EMILIN2: variants seen among roughly 807,000 people sequenced by gnomAD.
The protein encoded by EMILIN2 is elastin microfibril interfacer 2, also known as EMILIN-2.
In EMILIN2, 71 loss-of-function variants were observed where a neutral mutation model predicts 87.1. The ratio of observed to expected loss-of-function variants is 0.82; its 90% CI spans 0.67 to 0.99. The LOEUF is 0.99. EMILIN2 is among the 50% of genes least tolerant of loss of function. The pLI is 0.00. For missense variants in EMILIN2, 1,407 were observed against 1,371.8 expected (o/e 1.03, Z -0.40); for synonymous variants, 581 against 563.4 (o/e 1.03, Z -0.44).
chr18:2,852,481 T>C (rs879634307), intron 2 of EMILIN2, among the ~76,000 whole-genome samples: 3 of 152,206 alleles, frequency 2.0e-5, no homozygotes, highest in Non-Finnish European at 4.4e-5. Context: ...GCCCTAATGG[T>C]TGTGATACTA....
In EMILIN2 at chr18:2,890,910, C is replaced by T. The variant is rs1395702522; in HGVS notation, c.783C>T (p.Asp261=). ...VFNTKESGMK[D]IKSELAEVKD... ...ACACTAAGGAATCTGGCATGAAGGACATCAAGTCTGAATTGGCTGAAGTCA... is the reference window on the plus strand; with the variant it reads ...ACACTAAGGAATCTGGCATGAAGGATATCAAGTCTGAATTGGCTGAAGTCA... The change falls in exon 4 of 8, where the codon GAC becomes GAT. Residue 261 remains aspartate, a synonymous_variant. Transcript: ENST00000254528. The surrounding 1 kb of genome is among the most constrained non-coding windows in gnomAD (Gnocchi z 4.7). 3 of 1,613,882 alleles carry T rather than the reference C, an allele frequency of 1.9e-6. No homozygotes were observed. The Admixed American group carries it at 5.0e-5, about 27-fold the overall frequency.
At chr18:2,849,533 C>A (rs560836781) in intron 2 of EMILIN2, among the ~76,000 whole-genome samples, 1 of 152,230 alleles carries the variant, frequency 6.6e-6, no homozygotes, top group East Asian at 1.9e-4. Flanking sequence ...ACTTGGCTGT[C>A]AGTGGGGAGT....
chr18:2,895,034 C>T (rs1299689574), intron 4 of EMILIN2, among the ~76,000 whole-genome samples: 2 of 152,122 alleles, frequency 1.3e-5, no homozygotes, highest in Admixed American at 1.3e-4. Context: ...TTGTTTGTGG[C>T]ATAGCAGTTT....
chr18:2,891,962 A>G lies in EMILIN2; in HGVS notation c.1835A>G (p.Tyr612Cys). 1 of 1,614,204 alleles carries G rather than the reference A, an allele frequency of 6.2e-7. No homozygotes were observed. The highest frequency in any genetic ancestry group is 8.5e-7 in the Non-Finnish European group (1 of 1,180,044). Reference sequence around the variant, plus strand: ...CTTCAACAGGATTTTAGTTTTCTTTATTCTCAATTAAACCACACAGAAAAT... The same window carrying G: ...CTTCAACAGGATTTTAGTTTTCTTTGTTCTCAATTAAACCACACAGAAAAT... The part of the protein sequence containing the change: ...QKLQQDFSFL[Y>C]SQLNHTENDV... Residue 612 changes from tyrosine to cysteine, a missense_variant, in exon 4 of 8, where the codon TAT becomes TGT. Physicochemically the swap from Tyr to Cys is radical, Grantham distance 194. Transcript: ENST00000254528. The surrounding 1 kb of genome is among the most constrained non-coding windows in gnomAD (Gnocchi z 4.6).
At chr18:2,879,008 A>G (rs1173938463) in intron 2 of EMILIN2, among the ~76,000 whole-genome samples, 1 of 152,216 alleles carries the variant, frequency 6.6e-6, no homozygotes, top group Non-Finnish European at 1.5e-5. Flanking sequence ...ACACAAGGCA[A>G]GGAGCCTTGC....
At chr18:2,912,585 C>T (rs996376141) in intron 7 of EMILIN2, among the ~76,000 whole-genome samples, 3 of 152,180 alleles carry the variant, frequency 2.0e-5, no homozygotes, top group African/African-American at 7.2e-5. Context: ...CCACCCTGGG[C>T]CCAGAACGTG....
rs2076677547 is a variant in EMILIN2 at position 2,864,642 on chromosome 18, C to T, written c.257+16711C>T. ...TAACCTGACCTTTCTCTCTGGCTGC[C>T]CTTAACATTTTTTCCTTCATTTCAA... On this transcript the variant is annotated intron_variant, in intron 2 of 7. Transcript: ENST00000254528. 2.6e-5 allele frequency among the ~76,000 whole-genome samples: 4 copies of T among 152,188 alleles called. No homozygotes were observed. In the South Asian group the frequency reaches 8.3e-4, roughly 32 times the overall value.
intron 4 of EMILIN2, among the ~76,000 whole-genome samples, chr18:2,899,228 G>C (rs1357045267): frequency 6.6e-6 from 1 of 152,120 alleles, no homozygotes; most frequent in African/African-American, 2.4e-5. Flanking sequence ...GGCTACCCCA[G>C]AGGCAGAGGG....
chr18:2,877,432 G>A lies in EMILIN2; in HGVS notation c.258-7532G>A, dbSNP rs905726491. On this transcript the variant is annotated intron_variant, in intron 2 of 7. Transcript: ENST00000254528. ...AAAGCTTATTTTTTATTCATTGACT[G>A]ACAGTTTTTTTTTTTTTTTTTTACA... Among the ~76,000 whole-genome samples the A allele has an allele frequency of 6.7e-5, 7 of 104,752 alleles. No individual in the cohort carries two copies. In the Admixed American group the frequency reaches 7.1e-4, roughly 11 times the overall value. The allele number at this position is 104,752 out of a possible 152,430, so 68.7% of individuals were successfully genotyped here.
intron 5 of EMILIN2, among the ~76,000 whole-genome samples, chr18:2,907,578 C>T (rs948213486): frequency 6.6e-6 from 1 of 152,192 alleles, no homozygotes; most frequent in East Asian, 1.9e-4. Flanking sequence ...TGGAGAAAAG[C>T]CCAGTTCAGT....
In EMILIN2 at chr18:2,913,311, G is replaced by C. The variant is rs2076951422; in HGVS notation, c.3069G>C (p.Val1023=). ...AGGCGGGAGATGCAGTCAACGTCGT[G>C]GTGACTGGGGGCAAGCTGGCTCACA... ...HLKAGDAVNV[V]VTGGKLAHTD... is the part of the protein sequence containing the mutation. Residue 1023 remains valine (V), a synonymous_variant, in exon 8 of 8, where the codon GTG becomes GTC. Transcript: ENST00000254528. 2 of 1,613,098 alleles carry C rather than the reference G, an allele frequency of 1.2e-6. No individual in the cohort carries two copies. Among genetic ancestry groups the C allele is most frequent in the Non-Finnish European group, 1.7e-6 (2 of 1,179,438 alleles).
chr18:2,867,673 TCA>T (rs2076693677), intron 2 of EMILIN2, among the ~76,000 whole-genome samples: 1 of 152,206 alleles, frequency 6.6e-6, no homozygotes. Context: ...GGGGGTAAGG[TCA>T]CAGATCAACA....
At position 2,848,799 on chromosome 18, in the gene EMILIN2, T is replaced by C. The variant is rs2076589468; in HGVS notation, c.257+868T>C. Reference sequence around the variant, plus strand: ...TCCACTAAGAATAAGTTGTTTGTCTTAGAGCACAGTTGTCATTACAGCAGA... The same window carrying C: ...TCCACTAAGAATAAGTTGTTTGTCTCAGAGCACAGTTGTCATTACAGCAGA... On this transcript the variant is annotated intron_variant, in intron 2 of 7. Transcript: ENST00000254528. The surrounding 1 kb of genome is among the most constrained non-coding windows in gnomAD (Gnocchi z 4.1). Among the ~76,000 whole-genome samples, 1 of 152,172 alleles carries C rather than the reference T, an allele frequency of 6.6e-6. No individual in the cohort carries two copies. The highest frequency in any genetic ancestry group is 2.4e-5 in the African/African-American group (1 of 41,438).
chr18:2,848,610 A>G lies in EMILIN2; in HGVS notation c.257+679A>G, dbSNP rs892625047. On this transcript the variant is annotated intron_variant, in intron 2 of 7. Coordinates refer to ENST00000254528, the MANE Select transcript of EMILIN2 (RefSeq NM_032048.3). This position sits in a 1 kb window ranked among gnomAD's most constrained non-coding sequence, Gnocchi z 4.1. Reference sequence around the variant, plus strand: ...CCCCATCTTAAAAAAAAAAAAAAACAGGAAGCAATGCAATAAAGTACAAAT... The same window carrying G: ...CCCCATCTTAAAAAAAAAAAAAAACGGGAAGCAATGCAATAAAGTACAAAT... Among the ~76,000 whole-genome samples the G allele has an allele frequency of 1.3e-5, 2 of 148,872 alleles. No homozygotes were observed. Among genetic ancestry groups the G allele is most frequent in the African/African-American group, 5.0e-5 (2 of 39,728 alleles).
Position 2,913,585 on chromosome 18 carries a change from T to A in EMILIN2, c.*181T>A. ...CTGCATCCAGCCAGGCTGCAGGGAG[T>A]GAGGCACACGGTGAACATGGCCACT... is the stretch of plus-strand genomic sequence containing the variant. On this transcript the variant is annotated 3_prime_UTR_variant, in exon 8 of 8. Transcript: ENST00000254528. 2 of 574,858 alleles carry A rather than the reference T, an allele frequency of 3.5e-6. No individual in the cohort carries two copies. Among genetic ancestry groups the A allele is most frequent in the South Asian group, 2.3e-5 (1 of 44,098 alleles). The allele number at this position is 574,858 out of a possible 1,614,324, so 35.6% of individuals were successfully genotyped here. A position where few individuals can be genotyped will look rare whatever the true frequency, so the allele number is the denominator to read the frequency against.
chr18:2,870,974 T>A (rs1466766975), intron 2 of EMILIN2, among the ~76,000 whole-genome samples: 1 of 152,102 alleles, frequency 6.6e-6, no homozygotes, highest in African/African-American at 2.4e-5. Context: ...GTTAACTAAA[T>A]TTTCCCTGGT....
intron 2 of EMILIN2, among the ~76,000 whole-genome samples, chr18:2,859,529 C>G (rs1333310046): frequency 6.6e-6 from 1 of 152,100 alleles, no homozygotes; most frequent in South Asian, 2.1e-4. Flanking sequence ...TGTCTGTTTA[C>G]CCTGCTGACT....
In EMILIN2 at chr18:2,892,031, G is replaced by A; in HGVS notation, c.1904G>A (p.Gly635Asp). The A allele has an allele frequency of 6.2e-7, 1 of 1,614,216 alleles. No individual in the cohort carries two copies. The highest frequency in any genetic ancestry group is 8.5e-7 in the Non-Finnish European group (1 of 1,180,046). ...AAGGAAATGAGCAATTGTAGAGCAG[G>A]TGAAAACGCTGGCATGGGTAGGTTC... ...LQKEMSNCRAGENAGMGRFTK... is the reference protein window; with the variant it reads ...LQKEMSNCRADENAGMGRFTK... The change falls in exon 4 of 8, where the codon GGT (glycine) becomes GAT (aspartate). Residue 635 changes from glycine to aspartate, a missense_variant. Transcript: ENST00000254528.
In EMILIN2 at chr18:2,899,284, G is replaced by T. The variant is rs189278348; in HGVS notation, c.2359+6798G>T. Among the ~76,000 whole-genome samples, 209 of 152,162 alleles carry T rather than the reference G, an allele frequency of 1.4e-3. 1 individual carries two copies. The highest frequency in any genetic ancestry group is 6.8e-3 in the Middle Eastern group (2 of 294). Reference sequence around the variant, plus strand: ...CTGTGCCCAAAAAGAAAGAGGAGGTGGGGGGGAGGGAGGACACAGAATGAA... The same window carrying T: ...CTGTGCCCAAAAAGAAAGAGGAGGTTGGGGGGAGGGAGGACACAGAATGAA... On this transcript the variant is annotated intron_variant, in intron 4 of 7. Transcript: ENST00000254528.
Sources: gnomAD v4.1 joint callset for allele counts (sites outside exome capture counted in the v4.1 genomes callset) on GRCh38, gnomAD v4.1.1 for gene constraint, Gnocchi (gnomAD v3.1) non-coding constraint, MANE v1.5 for transcripts, NCBI Gene and HGNC (gene_info 2026-07-23, HGNC 2026-07-21) for gene names.